The following HIC2 variants were observed in gnomAD, a reference collection of about 807,000 sequenced individuals.
HIC2 encodes HIC ZBTB transcriptional repressor 2.
HIC2 carries 2 observed loss-of-function variants against 39.5 expected under a neutral mutation model. That is an observed-to-expected ratio of 0.05 (90% CI 0.02 to 0.16). HIC2 has a LOEUF of 0.16. Ranked by LOEUF, HIC2 falls within the 10% of genes least tolerant of loss-of-function variation. The pLI is 1.00. For synonymous variants in HIC2, 399 were observed against 368.8 expected (o/e 1.08, Z -0.94); for missense variants, 713 against 863.5 (o/e 0.83, Z 2.18).
rs1229988592 is a variant in HIC2 at position 21,446,855 on chromosome 22, G to T, written c.*112G>T. Reference sequence around the variant, plus strand: ...AGACCCTGGGTCCAGTGGAGGCTCCGGGTGGCCCCTCTGGCCCCCACTGCC... The same window carrying T: ...AGACCCTGGGTCCAGTGGAGGCTCCTGGTGGCCCCTCTGGCCCCCACTGCC... On this transcript the variant is annotated 3_prime_UTR_variant, in exon 3 of 3. Transcript: ENST00000407464. 7.0e-7 allele frequency: 1 copy of T among 1,423,030 alleles called. No homozygotes were observed. The highest frequency in any genetic ancestry group is 9.3e-7 in the Non-Finnish European group (1 of 1,075,510). The allele number at this position is 1,423,030 out of a possible 1,614,324, so 88.2% of individuals were successfully genotyped here. A position where few individuals can be genotyped will look rare whatever the true frequency, so the allele number is the denominator to read the frequency against.
chr22:21,444,971 C>T lies in HIC2; in HGVS notation c.76C>T (p.Pro26Ser), dbSNP rs746500521. Residue 26 changes from proline (P) to serine (S), a missense_variant, in exon 3 of 3, where the codon CCC becomes TCC. Physicochemically the swap from Pro to Ser is moderately conservative, Grantham distance 74. This residue lies in a region of HIC2 where 102 missense variants were observed against 187.1 expected (regional missense o/e 0.55). Transcript: ENST00000407464. ...RGDMGPDMELPSHSKQLLLQL... is the reference protein window; with the variant it reads ...RGDMGPDMELSSHSKQLLLQL... Reference sequence around the variant, plus strand: ...GGACATGGGGCCCGACATGGAGCTGCCCAGCCACTCGAAGCAGCTCCTGCT... The same window carrying T: ...GGACATGGGGCCCGACATGGAGCTGTCCAGCCACTCGAAGCAGCTCCTGCT... The T allele has an allele frequency of 6.2e-7, 1 of 1,613,702 alleles. No individual in the cohort carries two copies. Among genetic ancestry groups the T allele is most frequent in the South Asian group, 1.1e-5 (1 of 91,088 alleles).
At chr22:21,444,064 T>A (rs977938917) in intron 2 of HIC2, among the ~76,000 whole-genome samples, 1 of 152,216 alleles carries the variant, frequency 6.6e-6, no homozygotes, top group Admixed American at 6.5e-5. Context: ...CATGTCTTGC[T>A]GCTGCATAAG....
At position 21,446,149 on chromosome 22, in the gene HIC2, C is replaced by T. The variant is rs201121231; in HGVS notation, c.1254C>T (p.Ser418=). The T allele has an allele frequency of 3.6e-5, 58 of 1,608,750 alleles. 1 individual carries two copies. The East Asian group carries it at 9.8e-4, about 27-fold the overall frequency. Residue 418 remains serine, a synonymous_variant, in exon 3 of 3, where the codon AGC becomes AGT. Coordinates refer to ENST00000407464, the MANE Select transcript of HIC2 (RefSeq NM_015094.3). The part of the protein sequence containing the change: ...DSAQSGSEGG[S]GHASAHYMYR... The stretch of plus-strand genomic sequence containing the variant: ...CGCAGAGCGGGAGCGAGGGGGGCAG[C>T]GGCCATGCCAGCGCCCACTACATGT...
rs555666930 is a variant in HIC2 at position 21,448,617 on chromosome 22, A to G, written c.*1874A>G. The G allele has an allele frequency of 2.0e-5, 3 of 152,770 alleles. No individual in the cohort carries two copies. The East Asian group carries it at 5.7e-4, about 29-fold the overall frequency. The allele number at this position is 152,770 out of a possible 1,614,324, so 9.5% of individuals were successfully genotyped here. A position where few individuals can be genotyped will look rare whatever the true frequency, so the allele number is the denominator to read the frequency against. ...TCATCCCCTACCCCCACCCCTCTAG[A>G]GACCCTCCAGCTAAAAACAGAGCCT... On this transcript the variant is annotated 3_prime_UTR_variant, in exon 3 of 3. Coordinates refer to ENST00000407464, the MANE Select transcript of HIC2 (RefSeq NM_015094.3).
rs757600501 is a variant in HIC2, at chr22:21,445,604, A to T, written c.709A>T (p.Ser237Cys). 1.3e-6 allele frequency: 2 copies of T among 1,580,518 alleles called. No homozygotes were observed. The highest frequency in any genetic ancestry group is 1.9e-5 in the Admixed American group (1 of 53,630). ...LGGCSSSTNG[S>C]SGGCEQELGL... ...GGGCTGCAGCAGCAGCACCAACGGGAGCAGCGGGGGCTGCGAGCAGGAGCT... is the reference window on the plus strand; with the variant it reads ...GGGCTGCAGCAGCAGCACCAACGGGTGCAGCGGGGGCTGCGAGCAGGAGCT... The change falls in exon 3 of 3, where the codon AGC becomes TGC. Residue 237 changes from serine (S) to cysteine (C), a missense_variant. Coordinates refer to ENST00000407464, the MANE Select transcript of HIC2 (RefSeq NM_015094.3).
In HIC2 at chr22:21,448,895, C is replaced by T. The variant is rs41282587; in HGVS notation, c.*2152C>T. On this transcript the variant is annotated 3_prime_UTR_variant, in exon 3 of 3. Transcript: ENST00000407464. ...CCTGCCGTCCTGACGCCACCCCGCC[C>T]CATCAGCACTTAAGCCACATGACAC... 6.5e-6 allele frequency: 1 copy of T among 152,916 alleles called. No homozygotes were observed. Among genetic ancestry groups the T allele is most frequent in the South Asian group, 2.1e-4 (1 of 4,834 alleles). 9.5% of individuals were successfully genotyped at this position (152,916 alleles called of 1,614,324 possible). A position where few individuals can be genotyped will look rare whatever the true frequency, so the allele number is the denominator to read the frequency against.
At position 21,447,199 on chromosome 22, in the gene HIC2, AC is replaced by A; in HGVS notation, c.*457del. 3 of 172,418 alleles carry A rather than the reference AC, an allele frequency of 1.7e-5. No homozygotes were observed. The highest frequency in any genetic ancestry group is 3.8e-5 in the Non-Finnish European group (3 of 79,586). 10.7% of individuals were successfully genotyped at this position (172,418 alleles called of 1,614,324 possible). A position where few individuals can be genotyped will look rare whatever the true frequency, so the allele number is the denominator to read the frequency against. ...GCGTGCAGCCCTGGTTCTGCAGGGA[AC>A]AGGTGCTGGGGGTGCAGATCCCTCC... On this transcript the variant is annotated 3_prime_UTR_variant, in exon 3 of 3. Coordinates refer to ENST00000407464, the MANE Select transcript of HIC2 (RefSeq NM_015094.3).
In HIC2 at chr22:21,446,816, C is replaced by T. The variant is rs1284321475; in HGVS notation, c.*73C>T. The T allele has an allele frequency of 2.0e-6, 3 of 1,534,298 alleles. No homozygotes were observed. The African/African-American group carries it at 4.1e-5, about 21-fold the overall frequency. On this transcript the variant is annotated 3_prime_UTR_variant, in exon 3 of 3. Coordinates refer to ENST00000407464, the MANE Select transcript of HIC2 (RefSeq NM_015094.3). ...CCATGGAAGGAGAAGCGAGGTGATGCAGCAGCAGGGGCAAGACCCTGGGTC... is the reference window on the plus strand; with the variant it reads ...CCATGGAAGGAGAAGCGAGGTGATGTAGCAGCAGGGGCAAGACCCTGGGTC...
intron 2 of HIC2, among the ~76,000 whole-genome samples, chr22:21,444,098 A>G (rs949638846): frequency 3.3e-5 from 5 of 152,256 alleles, no homozygotes; most frequent in African/African-American, 1.2e-4. Flanking sequence ...GGGCCGTCAG[A>G]GTTCCTGCAG....
At position 21,449,245 on chromosome 22, in the gene HIC2, G is replaced by GGA. The variant is rs1924032429; in HGVS notation, c.*2503_*2504insAG. ...TCTTTTTCCTTTGATTTCCACATCA[G>GGA]GTGTGTGCGAGTGTGTGTGTGTGGA... is the stretch of plus-strand genomic sequence containing the variant. On this transcript the variant is annotated 3_prime_UTR_variant, in exon 3 of 3. Coordinates refer to ENST00000407464, the MANE Select transcript of HIC2 (RefSeq NM_015094.3). The GGA allele has an allele frequency of 6.6e-6, 1 of 152,598 alleles. No homozygotes were observed. Among genetic ancestry groups the GGA allele is most frequent in the South Asian group, 2.1e-4 (1 of 4,832 alleles). The allele number at this position is 152,598 out of a possible 1,614,324, so 9.5% of individuals were successfully genotyped here.
At position 21,446,605 on chromosome 22, in the gene HIC2, C is replaced by T; in HGVS notation, c.1710C>T (p.Phe570=). 3.1e-6 allele frequency: 5 copies of T among 1,613,736 alleles called. No individual in the cohort carries two copies. The highest frequency in any genetic ancestry group is 4.2e-6 in the Non-Finnish European group (5 of 1,180,034). The stretch of plus-strand genomic sequence containing the variant: ...CCTGCGATGAGTGTGGCATGCGCTT[C>T]ACCCGTCAGTACCGCCTCACGGAGC... ...PFACDECGMR[F]TRQYRLTEHM... is the part of the protein sequence containing the mutation. The change falls in exon 3 of 3, where the codon TTC becomes TTT. Residue 570 remains phenylalanine (F), a synonymous_variant. Coordinates refer to ENST00000407464, the MANE Select transcript of HIC2 (RefSeq NM_015094.3).
Position 21,445,511 on chromosome 22 carries a change from T to A in HIC2, c.616T>A (p.Ser206Thr). 1 of 1,596,542 alleles carries A rather than the reference T, an allele frequency of 6.3e-7. No individual in the cohort carries two copies. Among genetic ancestry groups the A allele is most frequent in the Non-Finnish European group, 8.5e-7 (1 of 1,173,666 alleles). The change falls in exon 3 of 3, where the codon TCT (serine) becomes ACT (threonine). Residue 206 changes from serine to threonine, a missense_variant. Coordinates refer to ENST00000407464, the MANE Select transcript of HIC2 (RefSeq NM_015094.3). ...AGACGATGAACTCTTTCTTGGTGGC[T>A]CTAACCAGGATAGCGTGCAAGGTCT... ...GSDDELFLGG[S>T]NQDSVQGLGR...
Position 21,449,082 on chromosome 22 carries a change from G to A in HIC2, c.*2339G>A. ...GCCCCTCACTCAACGACGTTTGTGC[G>A]ACATAGTATTGTATCCACCTTAGTA... On this transcript the variant is annotated 3_prime_UTR_variant, in exon 3 of 3. Transcript: ENST00000407464. 1 of 152,658 alleles carries A rather than the reference G, an allele frequency of 6.6e-6. No homozygotes were observed. Among genetic ancestry groups the A allele is most frequent in the East Asian group, 1.9e-4 (1 of 5,336 alleles). The allele number at this position is 152,658 out of a possible 1,614,324, so 9.5% of individuals were successfully genotyped here.
In HIC2 at chr22:21,448,994, T is replaced by A. The variant is rs991056170; in HGVS notation, c.*2251T>A. The A allele has an allele frequency of 1.3e-5, 2 of 152,780 alleles. No homozygotes were observed. The highest frequency in any genetic ancestry group is 2.9e-5 in the Non-Finnish European group (2 of 68,050). The allele number at this position is 152,780 out of a possible 1,614,324, so 9.5% of individuals were successfully genotyped here. On this transcript the variant is annotated 3_prime_UTR_variant, in exon 3 of 3. Transcript: ENST00000407464. Reference sequence around the variant, plus strand: ...GCCTCCCGGGCTGTGGGCAGCCGCATCTGTGAGGTGACTCGTGAAAGTAGG... The same window carrying A: ...GCCTCCCGGGCTGTGGGCAGCCGCAACTGTGAGGTGACTCGTGAAAGTAGG...
Position 21,445,207 on chromosome 22 carries a change from G to A in HIC2, c.312G>A (p.Lys104=). ...TCTTGGACTTCATCTACACAGGCAAGCTGCTGCCCAGCGACCAGCCAGCCG... is the reference window on the plus strand; with the variant it reads ...TCTTGGACTTCATCTACACAGGCAAACTGCTGCCCAGCGACCAGCCAGCCG... ...QQILDFIYTG[K]LLPSDQPAEP... The change falls in exon 3 of 3, where the codon AAG becomes AAA. Residue 104 remains lysine, a synonymous_variant. Coordinates refer to ENST00000407464, the MANE Select transcript of HIC2 (RefSeq NM_015094.3). 1 of 1,613,962 alleles carries A rather than the reference G, an allele frequency of 6.2e-7. No homozygotes were observed. Among genetic ancestry groups the A allele is most frequent in the East Asian group, 2.2e-5 (1 of 44,884 alleles).
At chr22:21,425,736 G>A (rs1345919874) in intron 1 of HIC2, among the ~76,000 whole-genome samples, 3 of 137,592 alleles carry the variant, frequency 2.2e-5, no homozygotes, top group East Asian at 2.2e-4. Flanking sequence ...TTTTTGAGAC[G>A]GAGTCTTTCC....
Position 21,431,764 on chromosome 22 carries a change from T to G in HIC2, c.-73-10995T>G, listed in dbSNP as rs1923319415. Among the ~76,000 whole-genome samples the G allele has an allele frequency of 5.4e-5, 3 of 56,034 alleles. No individual in the cohort carries two copies. The South Asian group carries it at 3.7e-3, about 69-fold the overall frequency. The allele number at this position is 56,034 out of a possible 152,430, so 36.8% of individuals were successfully genotyped here. ...GGAAGGCTGAGGCAGGAGGATCACT[T>G]GAGCCCAGGAGTTTGAGGCCAGTCT... is the stretch of plus-strand genomic sequence containing the variant. On this transcript the variant is annotated intron_variant, in intron 1 of 2. Coordinates refer to ENST00000407464, the MANE Select transcript of HIC2 (RefSeq NM_015094.3).
Position 21,445,555 on chromosome 22 carries a change from A to G in HIC2, c.660A>G (p.Pro220=), listed in dbSNP as rs751809117. 1 of 1,596,828 alleles carries G rather than the reference A, an allele frequency of 6.3e-7. No individual in the cohort carries two copies. Among genetic ancestry groups the G allele is most frequent in the East Asian group, 2.2e-5 (1 of 44,716 alleles). Residue 220 remains proline, a synonymous_variant, in exon 3 of 3, where the codon CCA becomes CCG. Transcript: ENST00000407464. ...AAGGTCTGGGCCGGGCTGTCTGCCC[A>G]GCTGGCGGGGAGGCGGGTCTGGGGG... ...SVQGLGRAVC[P]AGGEAGLGGC...
intron 2 of HIC2, among the ~76,000 whole-genome samples, chr22:21,444,417 A>C (rs1039781641): frequency 7.2e-5 from 11 of 152,254 alleles, no homozygotes; most frequent in Non-Finnish European, 1.5e-4. Context: ...GACTGCTGGC[A>C]GTTTGATTTG....
Sources: allele counts gnomAD v4.1 joint callset (sites outside exome capture counted in the v4.1 genomes callset), GRCh38; gene constraint gnomAD v4.1.1; regional missense constraint gnomAD v4.1.1; transcripts MANE v1.5; gene names NCBI Gene and HGNC (gene_info 2026-07-23, HGNC 2026-07-21).